The following CERK variants were observed in gnomAD, a reference collection of about 807,000 sequenced individuals.
CERK encodes ceramide kinase, also known as acylsphingosine kinase.
In CERK, 39 loss-of-function variants were observed where a neutral mutation model predicts 63.4. That is an observed-to-expected ratio of 0.61 (90% CI 0.48 to 0.80). The LOEUF (loss-of-function observed/expected upper bound fraction) is 0.80, where lower values mean the gene tolerates loss of function less well. Ranked by LOEUF, CERK falls within the 30% of genes least tolerant of loss-of-function variation. The pLI is 0.00. For synonymous variants in CERK, 302 were observed against 280.0 expected (o/e 1.08, Z -0.78); for missense variants, 670 against 714.1 (o/e 0.94, Z 0.70).
At chr22:46,720,537 A>G (rs1179920876) in intron 2 of CERK, among the ~76,000 whole-genome samples, 2 of 152,106 alleles carry the variant, frequency 1.3e-5, no homozygotes, top group Non-Finnish European at 2.9e-5. Flanking sequence ...TTTACTTAAA[A>G]TACAAAAAAG....
At chr22:46,710,986 C>CG (rs929147519) in intron 5 of CERK, 100 bp downstream of exon 5, 18 of 891,818 alleles carry the variant, frequency 2.0e-5, no homozygotes, top group Middle Eastern at 2.2e-4. Flanking sequence ...TGGGTGGAGG[C>CG]GGGGGGCGGA....
intron 6 of CERK, among the ~76,000 whole-genome samples, chr22:46,702,243 G>A (rs1301655978): frequency 2.8e-4 from 42 of 148,634 alleles, no homozygotes; most frequent in African/African-American, 1.0e-3. Context: ...GTGTGTGTGT[G>A]TGTGTGTGTG....
rs934297141 is a variant in CERK, at chr22:46,711,132, G to A, written c.523C>T (p.Gln175Ter). The change falls in exon 5 of 13, where the codon CAG (glutamine) becomes TAG (stop). Residue 175 changes from glutamine (Q) to a stop codon, truncating the protein, a stop_gained. Transcript: ENST00000216264. LOFTEE classifies it high-confidence loss of function. ...ATCTCATACAGAGTCTCCTTGGCCT[G>A]ATTAGCATGTTCAGTAACTGTGGGG... is the stretch of plus-strand genomic sequence containing the variant. ...TDIIVTEHAN[Q>*]AKETLYEINI... The A allele has an allele frequency of 1.9e-6, 3 of 1,613,512 alleles. No homozygotes were observed. The highest frequency in any genetic ancestry group is 2.5e-6 in the Non-Finnish European group (3 of 1,179,488).
Position 46,721,028 on chromosome 22 carries a change from C to G in CERK, c.143-13G>C. 6.5e-7 allele frequency: 1 copy of G among 1,537,762 alleles called. No homozygotes were observed. Among genetic ancestry groups the G allele is most frequent in the Non-Finnish European group, 9.0e-7 (1 of 1,110,840 alleles). On this transcript the variant is annotated splice_polypyrimidine_tract_variant and intron_variant, in intron 1 of 12. Coordinates refer to ENST00000216264, the MANE Select transcript of CERK (RefSeq NM_022766.6). Reference sequence around the variant, plus strand: ...ACAGAGCAGGCATCTGTAAAAACACCACGTCCTTCTGTCAAAGAATTCGTC... The same window carrying G: ...ACAGAGCAGGCATCTGTAAAAACACGACGTCCTTCTGTCAAAGAATTCGTC...
intron 1 of CERK, among the ~76,000 whole-genome samples, chr22:46,722,394 A>T (rs1453438809): frequency 1.3e-5 from 2 of 151,962 alleles, no homozygotes. Flanking sequence ...CCAGGGGAGC[A>T]GACTTGATGG....
intron 6 of CERK, among the ~76,000 whole-genome samples, chr22:46,702,191 A>AC (rs2082788577): frequency 6.7e-6 from 1 of 148,488 alleles, no homozygotes; most frequent in East Asian, 2.1e-4. Context: ...AAAAAAAAAA[A>AC]AAAGGAGCCA....
At chr22:46,723,188 G>A (rs2082901268) in intron 1 of CERK, among the ~76,000 whole-genome samples, 1 of 152,226 alleles carries the variant, frequency 6.6e-6, no homozygotes, top group Non-Finnish European at 1.5e-5. Flanking sequence ...AAAGATGCCA[G>A]CAGGGTCATT....
intron 6 of CERK, among the ~76,000 whole-genome samples, chr22:46,701,933 C>G (rs1359394645): frequency 6.6e-6 from 1 of 152,158 alleles, no homozygotes; most frequent in South Asian, 2.1e-4. Context: ...GTCATCCCAG[C>G]ACTTTGAGAG....
rs557950972 is a variant in CERK, at chr22:46,711,120, T to A, written c.535A>T (p.Thr179Ser). Residue 179 changes from threonine (T) to serine (S), a missense_variant, in exon 5 of 13, where the codon ACT becomes TCT. Transcript: ENST00000216264. Reference sequence around the variant, plus strand: ...TTGTCTATGTTAATCTCATACAGAGTCTCCTTGGCCTGATTAGCATGTTCA... The same window carrying A: ...TTGTCTATGTTAATCTCATACAGAGACTCCTTGGCCTGATTAGCATGTTCA... Reference protein sequence around the residue: ...VTEHANQAKETLYEINIDKYD... With the variant: ...VTEHANQAKESLYEINIDKYD... 2.5e-6 allele frequency: 4 copies of A among 1,613,794 alleles called. No homozygotes were observed. Among genetic ancestry groups the A allele is most frequent in the African/African-American group, 2.7e-5 (2 of 74,994 alleles).
In CERK at chr22:46,693,455, C is replaced by T. The variant is rs1211408501; in HGVS notation, c.1098G>A (p.Lys366=). Residue 366 remains lysine (K), a synonymous_variant, in exon 10 of 13, where the codon AAG becomes AAA. Transcript: ENST00000216264. ...CAGCTTCCAAACCATACAGTGCTTTCTTCTGCTCCTCCTCCAGCTGCTGCT... is the reference window on the plus strand; with the variant it reads ...CAGCTTCCAAACCATACAGTGCTTTTTTCTGCTCCTCCTCCAGCTGCTGCT... ...QSKQQLEEEQ[K]KALYGLEAAE... 1.2e-6 allele frequency: 2 copies of T among 1,614,040 alleles called. No individual in the cohort carries two copies. The highest frequency in any genetic ancestry group is 1.7e-6 in the Non-Finnish European group (2 of 1,180,012).
intron 6 of CERK, among the ~76,000 whole-genome samples, chr22:46,702,235 G>A (rs1601714797): frequency 2.0e-5 from 2 of 101,920 alleles, no homozygotes; most frequent in African/African-American, 7.2e-5. Flanking sequence ...GTGTGTGTGT[G>A]TGTGTGTGTG....
chr22:46,687,207 C>T lies in CERK; in HGVS notation c.1542-1G>A. On this transcript the variant is annotated splice_acceptor_variant, in intron 12 of 12. Coordinates refer to ENST00000216264, the MANE Select transcript of CERK (RefSeq NM_022766.6). LOFTEE classifies it high-confidence loss of function. ...GAGTCGAACCAGCTGGCAGTGGACT[C>T]TGCAGAGACAAGCGGCCACGTGTAA... The T allele has an allele frequency of 6.2e-7, 1 of 1,613,958 alleles. No individual in the cohort carries two copies. The highest frequency in any genetic ancestry group is 8.5e-7 in the Non-Finnish European group (1 of 1,179,938).
intron 6 of CERK, 145 bp from the exon 7 acceptor site, chr22:46,701,855 G>A (rs559880484): frequency 1.2e-4 from 73 of 620,486 alleles, no homozygotes; most frequent in Non-Finnish European, 1.9e-4. Context: ...CCTACAAAAT[G>A]AATATAGAAA....
intron 9 of CERK, 181 bp from the exon 10 acceptor site, chr22:46,693,684 G>T: frequency 1.8e-6 from 1 of 560,314 alleles, no homozygotes; most frequent in Admixed American, 2.7e-5. Flanking sequence ...CTTTTACAAT[G>T]ACACATTCAA....
chr22:46,712,582 G>C (rs1387916943), intron 3 of CERK, among the ~76,000 whole-genome samples: 2 of 152,202 alleles, frequency 1.3e-5, no homozygotes, highest in Admixed American at 6.5e-5. Flanking sequence ...TCTGAAGGGT[G>C]CTGTCGGGTA....
intron 3 of CERK, among the ~76,000 whole-genome samples, chr22:46,716,300 C>T (rs929208437): frequency 3.3e-5 from 5 of 151,672 alleles, no homozygotes; most frequent in Non-Finnish European, 5.9e-5. Flanking sequence ...AAGTGATTCT[C>T]CTGCCTCAGC....
intron 6 of CERK, among the ~76,000 whole-genome samples, chr22:46,702,823 T>C (rs79273339): frequency 0.07 from 10,658 of 152,248 alleles, 798 homozygotes; most frequent in East Asian, 0.37. Flanking sequence ...CTGAGGACCA[T>C]GCTCAAAAGA....
chr22:46,716,971 G>A (rs2082869849), intron 3 of CERK, among the ~76,000 whole-genome samples: 1 of 151,062 alleles, frequency 6.6e-6, no homozygotes, highest in African/African-American at 2.4e-5. Flanking sequence ...ATGAAAGAAA[G>A]GAAGGAAGAG....
chr22:46,730,091 GCTCA>G (rs952975016), intron 1 of CERK, among the ~76,000 whole-genome samples: 9 of 152,012 alleles, frequency 5.9e-5, no homozygotes, highest in African/African-American at 1.9e-4. Flanking sequence ...TTATAACCAT[GCTCA>G]CTGAGACACA....
Sources: allele counts gnomAD v4.1 joint callset (sites outside exome capture counted in the v4.1 genomes callset), GRCh38; gene constraint gnomAD v4.1.1; transcripts MANE v1.5; gene names NCBI Gene and HGNC (gene_info 2026-07-23, HGNC 2026-07-21).